PCDHGA7: variants seen among roughly 807,000 people sequenced by gnomAD.
PCDHGA7 encodes protocadherin gamma subfamily A, 7.
PCDHGA7 carries 44 observed loss-of-function variants against 58.3 expected under a neutral mutation model. The observed-to-expected ratio is 0.75, with a 90% CI of 0.59 to 0.97. The LOEUF (loss-of-function observed/expected upper bound fraction) is 0.97. Among genes scored for constraint, PCDHGA7 ranks in the 50% least tolerant of loss-of-function variants. The pLI, the probability that PCDHGA7 is intolerant of heterozygous loss-of-function variation, is 0.00. For missense variants in PCDHGA7, 1,266 were observed against 1,188.7 expected (o/e 1.06, Z -0.96); for synonymous variants, 516 against 504.2 (o/e 1.02, Z -0.31).
chr5:141,464,200 G>C (rs1331779739), intron 1 of PCDHGA7, among the ~76,000 whole-genome samples: 1 of 149,856 alleles, frequency 6.7e-6, no homozygotes, highest in Non-Finnish European at 1.5e-5. Flanking sequence ...AGGAGGCGGA[G>C]ATTGCAGTGA....
chr5:141,398,889 C>A (rs1300521650), intron 1 of PCDHGA7: 2 of 1,613,958 alleles, frequency 1.2e-6, no homozygotes, highest in Non-Finnish European at 1.7e-6. Context: ...TTCGGGAAAA[C>A]GTGCCACCAG....
chr5:141,436,140 A>G (rs1324666699), intron 1 of PCDHGA7, among the ~76,000 whole-genome samples: 2 of 152,224 alleles, frequency 1.3e-5, no homozygotes, highest in Non-Finnish European at 2.9e-5. Flanking sequence ...TCTTGTATGA[A>G]CTACCAAAAT....
In PCDHGA7 at chr5:141,421,238, G is replaced by C. The variant is rs920128735; in HGVS notation, c.2424+35915G>C. 3.1e-6 allele frequency: 5 copies of C among 1,597,422 alleles called. No individual in the cohort carries two copies. Among genetic ancestry groups the C allele is most frequent in the African/African-American group, 2.7e-5 (2 of 74,378 alleles). ...GGCTTAGAGCCTGCCATGGCGAATC[G>C]GCTACAGCGCGGGGACCGCAGTCGG... On this transcript the variant is annotated intron_variant, in intron 1 of 3. Transcript: ENST00000518325.
intron 2 of PCDHGA7, among the ~76,000 whole-genome samples, chr5:141,500,035 CTT>C: frequency 6.6e-6 from 1 of 152,100 alleles, no homozygotes; most frequent in East Asian, 1.9e-4. Flanking sequence ...GTGAGTGTCT[CTT>C]AAGTATCTTA....
chr5:141,428,201 CT>C (rs1332694675), intron 1 of PCDHGA7: 1 of 1,349,696 alleles, frequency 7.4e-7, no homozygotes, highest in South Asian at 1.2e-5. Context: ...CTCTGCGCCG[CT>C]ACGCTTCACC....
chr5:141,399,540 C>A (rs775910113), intron 1 of PCDHGA7: 2 of 1,613,934 alleles, frequency 1.2e-6, no homozygotes, highest in Non-Finnish European at 1.7e-6. Context: ...CGCAAGTCTG[C>A]GCCTCGGACC....
rs1453253478 is a variant in PCDHGA7 at position 141,384,060 on chromosome 5, A to G, written c.1161A>G (p.Pro387=). The G allele has an allele frequency of 6.2e-7, 1 of 1,609,266 alleles. No homozygotes were observed. Among genetic ancestry groups the G allele is most frequent in the Non-Finnish European group, 8.5e-7 (1 of 1,177,302 alleles). ...ATGGTGAGGTGACCTGCACCATTCC[A>G]GAAAACCTACCTTTTAAATTAGAAA... The part of the protein sequence containing the change: ...GKNGEVTCTI[P]ENLPFKLEKS... The change falls in exon 1 of 4, where the codon CCA becomes CCG. Residue 387 remains proline (P), a synonymous_variant. Transcript: ENST00000518325.
chr5:141,408,315 C>T lies in PCDHGA7; in HGVS notation c.2424+22992C>T, dbSNP rs757628906. The stretch of plus-strand genomic sequence containing the variant: ...AGTGAGCCGATCCGCTACTCGATTC[C>T]GGAGGAGCTGGCCAAGGGCTCGGTG... On this transcript the variant is annotated intron_variant, in intron 1 of 3. Coordinates refer to ENST00000518325, the MANE Select transcript of PCDHGA7 (RefSeq NM_018920.4). The T allele has an allele frequency of 5.6e-6, 9 of 1,613,712 alleles. No homozygotes were observed. The highest frequency in any genetic ancestry group is 6.8e-6 in the Non-Finnish European group (8 of 1,179,748).
chr5:141,393,934 A>G, intron 1 of PCDHGA7: 3 of 1,613,984 alleles, frequency 1.9e-6, no homozygotes, highest in Non-Finnish European at 2.5e-6. Context: ...GTGCATGACC[A>G]AGACTCTGGA....
chr5:141,390,477 C>T (rs2150421205), intron 1 of PCDHGA7: 3 of 678,620 alleles, frequency 4.4e-6, no homozygotes, highest in South Asian at 2.0e-5. Flanking sequence ...TGTGGCCCAA[C>T]ATTTGTTTGT....
chr5:141,494,537 G>C (rs2099755111), intron 1 of PCDHGA7, among the ~76,000 whole-genome samples: 1 of 152,168 alleles, frequency 6.6e-6, no homozygotes, highest in Non-Finnish European at 1.5e-5. Flanking sequence ...TGGGGGCAGG[G>C]AGGAAGGGGC....
At chr5:141,409,357 T>C (rs754237134) in intron 1 of PCDHGA7, 4 of 1,613,968 alleles carry the variant, frequency 2.5e-6, no homozygotes, top group Non-Finnish European at 2.5e-6. Flanking sequence ...TCAGGTGTAA[T>C]ATAGAAACAG....
chr5:141,423,531 C>T, intron 1 of PCDHGA7: 1 of 1,613,736 alleles, frequency 6.2e-7, no homozygotes, highest in South Asian at 1.1e-5. Context: ...AGAAGAGTCA[C>T]CTGATTTTCC....
At chr5:141,510,402 G>A (rs2099880998) in intron 3 of PCDHGA7, among the ~76,000 whole-genome samples, 1 of 152,008 alleles carries the variant, frequency 6.6e-6, no homozygotes, top group African/African-American at 2.4e-5. Flanking sequence ...GCAAAGGCTA[G>A]GGGCATGTAA....
intron 1 of PCDHGA7, among the ~76,000 whole-genome samples, chr5:141,430,357 T>C (rs1258305414): frequency 1.3e-5 from 2 of 149,904 alleles, no homozygotes; most frequent in Non-Finnish European, 3.0e-5. Context: ...ATTTAAAAGC[T>C]CATTGGGGAA....
At chr5:141,398,811 C>G in intron 1 of PCDHGA7, 1 of 1,613,980 alleles carries the variant, frequency 6.2e-7, no homozygotes. Context: ...CCACTGAGCT[C>G]CGGATCCAGG....
chr5:141,473,894 T>C (rs1224416966), intron 1 of PCDHGA7, among the ~76,000 whole-genome samples: 1 of 152,134 alleles, frequency 6.6e-6, no homozygotes, highest in Non-Finnish European at 1.5e-5. Context: ...GTTCTGTTGG[T>C]TCATGAAGAG....
At chr5:141,418,310 G>C (rs778649723) in intron 1 of PCDHGA7, 2 of 1,613,990 alleles carry the variant, frequency 1.2e-6, no homozygotes, top group Non-Finnish European at 1.7e-6. Context: ...CCTGGGGATG[G>C]GAACAATTCT....
In PCDHGA7 at chr5:141,477,854, C is replaced by G; in HGVS notation, c.2425-16953C>G. 3.1e-6 allele frequency: 5 copies of G among 1,614,098 alleles called. No individual in the cohort carries two copies. Among genetic ancestry groups the G allele is most frequent in the Non-Finnish European group, 4.2e-6 (5 of 1,180,004 alleles). ...GCCAGGTGGGAGCTCGGTGGAGATG[C>G]TGCCTCGAGGTACCTCAGCTGGCCA... On this transcript the variant is annotated intron_variant, in intron 1 of 3. Transcript: ENST00000518325. This position sits in a 1 kb window ranked among gnomAD's most constrained non-coding sequence, Gnocchi z 4.9.
Sources: gnomAD v4.1 joint callset for allele counts (sites outside exome capture counted in the v4.1 genomes callset) on GRCh38, gnomAD v4.1.1 for gene constraint, Gnocchi (gnomAD v3.1) non-coding constraint, MANE v1.5 for transcripts, NCBI Gene and HGNC (gene_info 2026-07-23, HGNC 2026-07-21) for gene names.